The following ZMYND11 variants were observed in gnomAD, a reference collection of about 807,000 sequenced individuals.
ZMYND11 encodes the protein zinc finger MYND domain-containing protein 11.
A neutral mutation model predicts 84.9 loss-of-function variants in ZMYND11; 9 were observed. The observed-to-expected ratio is 0.11, with a 90% confidence interval of 0.06 to 0.18. The LOEUF (loss-of-function observed/expected upper bound fraction) is 0.18, where lower values mean the gene tolerates loss of function less well. ZMYND11 is among the 10% of genes least tolerant of loss of function. The pLI is 1.00. For synonymous variants in ZMYND11, 250 were observed against 244.1 expected (o/e 1.02, Z -0.23); for missense variants, 409 against 761.0 (o/e 0.54, Z 5.44).
At chr10:234,741 G>A (rs181296399) in intron 4 of ZMYND11, among the ~76,000 whole-genome samples, 3 of 152,240 alleles carry the variant, frequency 2.0e-5, no homozygotes, top group African/African-American at 2.4e-5. Flanking sequence ...CAAGAACAAC[G>A]TAGCAATCTC....
intron 1 of ZMYND11, among the ~76,000 whole-genome samples, chr10:176,606 A>G (rs1564321145): frequency 6.6e-6 from 1 of 152,310 alleles, no homozygotes; most frequent in South Asian, 2.1e-4. Context: ...GTTGAATTAA[A>G]ACAATTCTTT....
chr10:151,336 C>G (rs1840308408), intron 1 of ZMYND11, among the ~76,000 whole-genome samples: 1 of 152,132 alleles, frequency 6.6e-6, no homozygotes, highest in African/African-American at 2.4e-5. Context: ...AGACGGATGG[C>G]TAACTAGAAT....
chr10:142,263 G>A (rs1053312618), intron 1 of ZMYND11, among the ~76,000 whole-genome samples: 18 of 152,076 alleles, frequency 1.2e-4, no homozygotes, highest in African/African-American at 4.3e-4. Flanking sequence ...ACCATGCCTG[G>A]CTAATTTTTT....
At chr10:214,143 C>T (rs1429950885) in intron 3 of ZMYND11, among the ~76,000 whole-genome samples, 2 of 152,028 alleles carry the variant, frequency 1.3e-5, no homozygotes, top group African/African-American at 2.4e-5. Flanking sequence ...CATAAGTGAT[C>T]ATTCATTTGG....
intron 1 of ZMYND11, among the ~76,000 whole-genome samples, chr10:173,681 A>C (rs1554766259): frequency 6.6e-6 from 1 of 152,178 alleles, no homozygotes; most frequent in Non-Finnish European, 1.5e-5. Context: ...ACTGCACTTC[A>C]GACTGGGTGA....
Position 160,834 on chromosome 10 carries a change from C to T in ZMYND11, c.-19-19160C>T, listed in dbSNP as rs1042670328. Among the ~76,000 whole-genome samples the T allele has an allele frequency of 9.2e-5, 14 of 152,254 alleles. No homozygotes were observed. The East Asian group carries it at 2.5e-3, about 27-fold the overall frequency. ...CTCGACTTCTAATTCTAGGGCTCCT[C>T]CCATTTCCACCACATCTGGAGTTAA... is the stretch of plus-strand genomic sequence containing the variant. On this transcript the variant is annotated intron_variant, in intron 1 of 14. Coordinates refer to ENST00000381604, the MANE Select transcript of ZMYND11 (RefSeq NM_001370100.5).
intron 2 of ZMYND11, among the ~76,000 whole-genome samples, chr10:196,755 T>C (rs899947348): frequency 1.3e-5 from 2 of 152,224 alleles, no homozygotes; most frequent in African/African-American, 4.8e-5. Flanking sequence ...TGAAACATCC[T>C]GTTTCATTGT....
At chr10:132,161 C>T (rs944629869), upstream of ZMYND11, among the ~76,000 whole-genome samples, 7 of 151,742 alleles carry the variant, frequency 4.6e-5, no homozygotes, top group African/African-American at 1.7e-4. Flanking sequence ...AATCAAAGAA[C>T]ATTGTATAGT....
chr10:141,352 A>C (rs909288215), intron 1 of ZMYND11, among the ~76,000 whole-genome samples: 1 of 152,176 alleles, frequency 6.6e-6, no homozygotes, highest in African/African-American at 2.4e-5. Context: ...GCCATTGTAG[A>C]GTTTTCAGTT....
At chr10:161,559 G>C (rs76608020) in intron 1 of ZMYND11, among the ~76,000 whole-genome samples, 11 of 152,280 alleles carry the variant, frequency 7.2e-5, no homozygotes, top group African/African-American at 2.6e-4. Context: ...TCCAATATGA[G>C]ACTATTTTGT....
chr10:194,186 C>T (rs913003494), intron 2 of ZMYND11, among the ~76,000 whole-genome samples: 1 of 151,518 alleles, frequency 6.6e-6, no homozygotes, highest in Non-Finnish European at 1.5e-5. Context: ...GTCGGGGTTT[C>T]TTCATGTTGC....
At chr10:201,982 T>C (rs1199313622) in intron 2 of ZMYND11, among the ~76,000 whole-genome samples, 2 of 152,226 alleles carry the variant, frequency 1.3e-5, no homozygotes, top group African/African-American at 2.4e-5. Context: ...GTTCTTGTTA[T>C]AGATTAAGCA....
chr10:143,859 C>T (rs1838047208), intron 1 of ZMYND11, among the ~76,000 whole-genome samples: 1 of 152,074 alleles, frequency 6.6e-6, no homozygotes, highest in Non-Finnish European at 1.5e-5. Context: ...CCATTTGAGG[C>T]AGGGTCAGGT....
At chr10:165,304 A>G (rs1843736474) in intron 1 of ZMYND11, among the ~76,000 whole-genome samples, 1 of 152,138 alleles carries the variant, frequency 6.6e-6, no homozygotes, top group Admixed American at 6.6e-5. Context: ...CTTCTGTAAG[A>G]CAGCTCTCCT....
At chr10:221,133 G>T in intron 3 of ZMYND11, 62 bp from the exon 4 acceptor site, 1 of 1,457,572 alleles carries the variant, frequency 6.9e-7, no homozygotes, top group Non-Finnish European at 9.5e-7. Context: ...TTTCAATTTT[G>T]TTCTTAGTCA....
rs552099908 is a variant in ZMYND11, at chr10:252,107, A to G, written c.1687-241A>G. ...ACGGGAATGACTCTCACAGAGATGG[A>G]AAAAACGGGAGGTGTCAGGTACCAC... On this transcript the variant is annotated intron_variant, in intron 14 of 14. Coordinates refer to ENST00000381604, the MANE Select transcript of ZMYND11 (RefSeq NM_001370100.5). The surrounding 1 kb of genome is among the most constrained non-coding windows in gnomAD (Gnocchi z 4.6). 6.6e-6 allele frequency among the ~76,000 whole-genome samples: 1 copy of G among 152,294 alleles called. No homozygotes were observed. Among genetic ancestry groups the G allele is most frequent in the Admixed American group, 6.5e-5 (1 of 15,298 alleles).
rs373126909 is a variant in ZMYND11, at chr10:254,445, T to C, written c.*1975T>C. The C allele has an allele frequency of 1.3e-5, 2 of 152,490 alleles. No homozygotes were observed. The highest frequency in any genetic ancestry group is 3.8e-4 in the East Asian group (2 of 5,196). The allele number at this position is 152,490 out of a possible 1,614,324, so 9.4% of individuals were successfully genotyped here. A position where few individuals can be genotyped will look rare whatever the true frequency, so the allele number is the denominator to read the frequency against. ...TTACAATTGATTGTTTTAGGAATCA[T>C]TATTAAAAATTTTCTGCAAATCATA... On this transcript the variant is annotated 3_prime_UTR_variant, in exon 15 of 15. Transcript: ENST00000381604.
chr10:180,544 C>G (rs1272901597), intron 2 of ZMYND11, among the ~76,000 whole-genome samples: 1 of 152,142 alleles, frequency 6.6e-6, no homozygotes, highest in East Asian at 1.9e-4. Flanking sequence ...GGATTACAGG[C>G]ACCCGCCACC....
At chr10:249,617 C>G (rs907063284) in intron 14 of ZMYND11, 1 of 985,256 alleles carries the variant, frequency 1.0e-6, no homozygotes, top group African/African-American at 1.7e-5. Context: ...GTCATCGTGT[C>G]CTGCTCGCCA....
Sources: allele counts gnomAD v4.1 joint callset (sites outside exome capture counted in the v4.1 genomes callset), GRCh38; gene constraint gnomAD v4.1.1; non-coding constraint Gnocchi (gnomAD v3.1); transcripts MANE v1.5; gene names NCBI Gene and HGNC (gene_info 2026-07-23, HGNC 2026-07-21).